The following TNPO3 variants were observed in gnomAD, a reference collection of about 807,000 sequenced individuals.
TNPO3 encodes the protein transportin 3, also known as transportin-3.
TNPO3 carries 65 observed loss-of-function variants against 122.8 expected under a neutral mutation model. The ratio of observed to expected loss-of-function variants is 0.53; its 90% CI spans 0.43 to 0.65. TNPO3 has a LOEUF of 0.65. TNPO3 is among the 30% of genes least tolerant of loss of function. TNPO3 has a pLI of 0.00. For synonymous variants in TNPO3, 372 were observed against 411.2 expected (o/e 0.90, Z 1.15); for missense variants, 850 against 1,136.7 (o/e 0.75, Z 3.63).
Position 129,054,657 on chromosome 7 carries a change from C to G in TNPO3, c.114G>C (p.Gln38His). ...ERASFWLGEL[Q>H]RSVHAWEISD... The stretch of plus-strand genomic sequence containing the variant: ...GCCTCTCTGGGCCCCTCACCGAACG[C>G]TGCAGCTCCCCAAGCCAAAAAGAGG... The change falls in exon 1 of 23, where the codon CAG (glutamine) becomes CAC (histidine). Residue 38 changes from glutamine to histidine, a missense_variant. Gln to His is a conservative substitution (Grantham distance 24). Transcript: ENST00000265388. 1 of 1,613,960 alleles carries G rather than the reference C, an allele frequency of 6.2e-7. No homozygotes were observed. Among genetic ancestry groups the G allele is most frequent in the Non-Finnish European group, 8.5e-7 (1 of 1,180,032 alleles).
At position 128,955,017 on chromosome 7, in the gene TNPO3, A is replaced by G. The variant is rs968092765; in HGVS notation, c.*400T>C. On this transcript the variant is annotated 3_prime_UTR_variant, in exon 23 of 23. Transcript: ENST00000265388. ...CGTGCGCACTGGCGCTTGTGCGTGT[A>G]TGTGTGTGTGCGTGCATGTGTCATT... is the stretch of plus-strand genomic sequence containing the variant. The G allele has an allele frequency of 7.2e-6, 2 of 278,888 alleles. No individual in the cohort carries two copies. The highest frequency in any genetic ancestry group is 5.2e-5 in the Admixed American group (1 of 19,332). The allele number at this position is 278,888 out of a possible 1,614,324, so 17.3% of individuals were successfully genotyped here.
At chr7:129,046,320 G>C (rs1240493743) in intron 1 of TNPO3, among the ~76,000 whole-genome samples, 1 of 152,050 alleles carries the variant, frequency 6.6e-6, no homozygotes, top group Non-Finnish European at 1.5e-5. Flanking sequence ...CTCTCTGGGA[G>C]AAAGATCTTT....
At chr7:128,973,385 T>A (rs1244480058) in intron 18 of TNPO3, among the ~76,000 whole-genome samples, 1 of 152,188 alleles carries the variant, frequency 6.6e-6, no homozygotes, top group Non-Finnish European at 1.5e-5. Context: ...ACTTGTTTCA[T>A]CATTTGTATA....
At chr7:128,998,597 C>T (rs1021643744) in intron 7 of TNPO3, among the ~76,000 whole-genome samples, 2 of 152,090 alleles carry the variant, frequency 1.3e-5, no homozygotes, top group African/African-American at 4.8e-5. Flanking sequence ...AATCATGGCT[C>T]ACTGCAGCCT....
chr7:129,037,532 TCA>T (rs1029576367), intron 1 of TNPO3, among the ~76,000 whole-genome samples: 14 of 152,188 alleles, frequency 9.2e-5, no homozygotes, highest in African/African-American at 2.9e-4. Flanking sequence ...CAAGCAGAAC[TCA>T]CAGTCACCCA....
At chr7:128,961,024 G>GA (rs1797398868) in intron 21 of TNPO3, among the ~76,000 whole-genome samples, 1 of 152,138 alleles carries the variant, frequency 6.6e-6, no homozygotes, top group Non-Finnish European at 1.5e-5. Context: ...GCCTCCCAAA[G>GA]TGCTGGGATT....
At chr7:128,994,388 C>A (rs1801080416) in intron 8 of TNPO3, among the ~76,000 whole-genome samples, 2 of 151,752 alleles carry the variant, frequency 1.3e-5, no homozygotes. Flanking sequence ...GATCTCCTGA[C>A]CTCAAGTCAG....
intron 20 of TNPO3, 75 bp from the exon 21 acceptor site, chr7:128,967,467 A>G: frequency 1.1e-6 from 1 of 941,496 alleles, no homozygotes; most frequent in Admixed American, 2.0e-5. Context: ...GATACTAACA[A>G]AACCCCACAA....
chr7:129,040,330 T>C (rs1807220321), intron 1 of TNPO3, among the ~76,000 whole-genome samples: 1 of 151,818 alleles, frequency 6.6e-6, no homozygotes, highest in Non-Finnish European at 1.5e-5. Flanking sequence ...TTAAACGGTA[T>C]ACTTTAAATG....
intron 7 of TNPO3, among the ~76,000 whole-genome samples, chr7:128,998,532 A>T (rs1801587690): frequency 6.6e-6 from 1 of 151,668 alleles, no homozygotes; most frequent in Non-Finnish European, 1.5e-5. Flanking sequence ...AATTTTTAAA[A>T]TTTTCTGTAG....
intron 21 of TNPO3, among the ~76,000 whole-genome samples, chr7:128,965,928 G>T (rs1797886925): frequency 6.6e-6 from 1 of 152,158 alleles, no homozygotes; most frequent in Non-Finnish European, 1.5e-5. Context: ...GATGGGGAGA[G>T]GGGAGAATGG....
Position 128,970,212 on chromosome 7 carries a change from A to G in TNPO3, c.2534T>C (p.Leu845Pro). 1 of 1,613,902 alleles carries G rather than the reference A, an allele frequency of 6.2e-7. No individual in the cohort carries two copies. The change falls in exon 20 of 23, where the codon CTC (leucine) becomes CCC (proline). Residue 845 changes from leucine to proline, a missense_variant. Transcript: ENST00000265388. ...SQLLHTCCFC[L>P]PPYTLPDVAE... is the part of the protein sequence containing the mutation. ...CACATCTGGTAGGGTATAGGGGGGG[A>G]GGCAAAAGCAGCAGGTGTGCAGCAG...
At chr7:129,052,226 G>A (rs758669304) in intron 1 of TNPO3, among the ~76,000 whole-genome samples, 44 of 152,290 alleles carry the variant, frequency 2.9e-4, no homozygotes, top group Middle Eastern at 3.4e-3. Flanking sequence ...GGCCAATGGG[G>A]AATCCCAGCA....
At chr7:129,004,102 C>T (rs962708398) in intron 5 of TNPO3, among the ~76,000 whole-genome samples, 1 of 152,176 alleles carries the variant, frequency 6.6e-6, no homozygotes, top group Non-Finnish European at 1.5e-5. Flanking sequence ...TTTCCTAAGG[C>T]TTAGCTTCTG....
chr7:128,982,201 A>C (rs1351551628), intron 14 of TNPO3, 47 bp downstream of exon 14: 1 of 1,527,340 alleles, frequency 6.5e-7, no homozygotes, highest in Admixed American at 1.7e-5. Context: ...CAATGGTTTC[A>C]TTTGAGCCTT....
intron 12 of TNPO3, among the ~76,000 whole-genome samples, chr7:128,985,196 T>G (rs1242537906): frequency 6.6e-6 from 1 of 152,258 alleles, no homozygotes; most frequent in East Asian, 1.9e-4. Context: ...CTTGGCCATC[T>G]ATAAGCCATA....
intron 5 of TNPO3, among the ~76,000 whole-genome samples, chr7:129,003,558 G>C (rs1374759194): frequency 6.6e-6 from 1 of 151,604 alleles, no homozygotes; most frequent in Non-Finnish European, 1.5e-5. Flanking sequence ...CCAGCTACTT[G>C]GGAGGCTGAG....
At chr7:129,032,218 C>A (rs1003143480) in intron 1 of TNPO3, among the ~76,000 whole-genome samples, 1 of 152,110 alleles carries the variant, frequency 6.6e-6, no homozygotes, top group Non-Finnish European at 1.5e-5. Flanking sequence ...GTAATAAATG[C>A]CATATATGCA....
At chr7:128,966,114 A>T (rs1400124076) in intron 21 of TNPO3, among the ~76,000 whole-genome samples, 35 of 152,204 alleles carry the variant, frequency 2.3e-4, no homozygotes, top group Admixed American at 2.3e-3. Context: ...AAATTTTCAA[A>T]TTATTTTAAA....
Sources: gnomAD v4.1 joint callset for allele counts (sites outside exome capture counted in the v4.1 genomes callset) on GRCh38, gnomAD v4.1.1 for gene constraint, MANE v1.5 for transcripts, NCBI Gene and HGNC (gene_info 2026-07-23, HGNC 2026-07-21) for gene names.